Variants in MYRIP observed in about 807,000 individuals in gnomAD.
The protein encoded by MYRIP is myosin VIIA and Rab interacting protein, also known as rab effector MyRIP.
In MYRIP, 49 loss-of-function variants were observed where a neutral mutation model predicts 98.0. The observed-to-expected ratio is 0.50, with a 90% CI of 0.40 to 0.63. The LOEUF (loss-of-function observed/expected upper bound fraction) is 0.63, where lower values mean the gene tolerates loss of function less well. MYRIP is among the 30% of genes least tolerant of loss of function. The pLI, the probability that MYRIP is intolerant of heterozygous loss-of-function variation, is 0.00. For missense variants in MYRIP, 1,004 were observed against 1,058.2 expected, an observed-to-expected ratio of 0.95 and a Z score of 0.71; for synonymous variants, 404 against 409.5, an observed-to-expected ratio of 0.99 and a Z score of 0.16.
intron 1 of MYRIP, among the ~76,000 whole-genome samples, chr3:39,885,235 T>A (rs1312918184): frequency 3.3e-5 from 5 of 152,040 alleles, no homozygotes; most frequent in Admixed American, 3.3e-4. Context: ...TTTTGCTGTT[T>A]TTAAAAAAAC....
At chr3:39,938,801 G>A (rs1354700833) in intron 2 of MYRIP, among the ~76,000 whole-genome samples, 8 of 152,120 alleles carry the variant, frequency 5.3e-5, no homozygotes, top group African/African-American at 1.7e-4. Flanking sequence ...CACCAAGCCC[G>A]GCCCTTCTAT....
chr3:40,250,618 CTCTTG>C, intron 15 of MYRIP, 119 bp downstream of exon 15: 1 of 1,191,858 alleles, frequency 8.4e-7, no homozygotes, highest in Admixed American at 2.1e-5. Context: ...CACAGAATTG[CTCTTG>C]TCTATCTTGA....
At chr3:40,258,017 A>G in intron 16 of MYRIP, 117 bp from the exon 17 acceptor site, 3 of 1,104,818 alleles carry the variant, frequency 2.7e-6, no homozygotes, top group Non-Finnish European at 4.1e-6. Context: ...GAAACATCTA[A>G]CTGGTCAAAA....
chr3:39,905,023 C>T (rs1446374495), intron 2 of MYRIP, among the ~76,000 whole-genome samples: 1 of 152,114 alleles, frequency 6.6e-6, no homozygotes, highest in East Asian at 1.9e-4. Context: ...CTCCAAGACA[C>T]ACAACAGGAT....
At chr3:39,967,439 A>G (rs1009276176) in intron 2 of MYRIP, among the ~76,000 whole-genome samples, 2 of 152,142 alleles carry the variant, frequency 1.3e-5, no homozygotes, top group Admixed American at 6.5e-5. Flanking sequence ...AGGGCTGTAT[A>G]TTATTTCATG....
chr3:40,003,770 G>C (rs1369278108), intron 2 of MYRIP, among the ~76,000 whole-genome samples: 1 of 152,068 alleles, frequency 6.6e-6, no homozygotes, highest in Non-Finnish European at 1.5e-5. Context: ...TTGTATTCTT[G>C]CTTTTGTTTC....
chr3:39,984,725 C>A lies in MYRIP; in HGVS notation c.111-59325C>A, dbSNP rs558909037. ...TCTTTATAGCAGCATGATTTATAGT[C>A]CTTTGGGTATATACCCAGTAATGGG... On this transcript the variant is annotated intron_variant, in intron 2 of 16. Coordinates refer to ENST00000302541, the MANE Select transcript of MYRIP (RefSeq NM_015460.4). 8.5e-3 allele frequency among the ~76,000 whole-genome samples: 1,287 copies of A among 151,874 alleles called. 15 individuals carry two copies. Among genetic ancestry groups the A allele is most frequent in the African/African-American group, 0.03 (1,231 of 41,286 alleles).
At chr3:40,202,351 G>C (rs934264600) in intron 10 of MYRIP, among the ~76,000 whole-genome samples, 1 of 151,984 alleles carries the variant, frequency 6.6e-6, no homozygotes, top group Non-Finnish European at 1.5e-5. Flanking sequence ...TCTCAGACTG[G>C]GGTTGCTTTT....
chr3:40,181,876 C>T (rs1950889212), intron 8 of MYRIP, among the ~76,000 whole-genome samples: 1 of 152,150 alleles, frequency 6.6e-6, no homozygotes, highest in African/African-American at 2.4e-5. Context: ...TTGAGGAGAA[C>T]ATGCTTTCCA....
chr3:40,112,721 A>G (rs934194887), intron 3 of MYRIP, among the ~76,000 whole-genome samples: 3 of 152,138 alleles, frequency 2.0e-5, no homozygotes, highest in Non-Finnish European at 4.4e-5. Flanking sequence ...AGGATTTTTC[A>G]TCCAGTAGAG....
intron 8 of MYRIP, among the ~76,000 whole-genome samples, chr3:40,175,247 C>A (rs1385802476): frequency 2.6e-5 from 4 of 152,148 alleles, no homozygotes; most frequent in Admixed American, 2.6e-4. Flanking sequence ...TTTAGAAAGG[C>A]CTATACTAAG....
At chr3:39,889,259 G>A (rs1943410888) in intron 1 of MYRIP, among the ~76,000 whole-genome samples, 1 of 152,174 alleles carries the variant, frequency 6.6e-6, no homozygotes, top group Non-Finnish European at 1.5e-5. Context: ...ATTCACAATA[G>A]CAAAGACTTG....
intron 3 of MYRIP, among the ~76,000 whole-genome samples, chr3:40,115,852 T>A (rs1303213678): frequency 1.3e-5 from 2 of 152,020 alleles, no homozygotes; most frequent in African/African-American, 2.4e-5. Flanking sequence ...GATTTTATTA[T>A]GGAGTATCAG....
intron 2 of MYRIP, among the ~76,000 whole-genome samples, chr3:39,919,696 GTGTGT>G: frequency 1.5e-5 from 1 of 67,286 alleles, no homozygotes; most frequent in Non-Finnish European, 3.1e-5. Flanking sequence ...TATGTGTGGT[GTGTGT>G]GTGTGTGTGT....
At chr3:40,150,664 C>A (rs562737000) in intron 3 of MYRIP, among the ~76,000 whole-genome samples, 1 of 152,304 alleles carries the variant, frequency 6.6e-6, no homozygotes, top group Non-Finnish European at 1.5e-5. Flanking sequence ...CTCCTGGTCG[C>A]ATCTAAGTTC....
At chr3:40,252,474 A>G (rs1314975340) in intron 16 of MYRIP, among the ~76,000 whole-genome samples, 2 of 152,366 alleles carry the variant, frequency 1.3e-5, no homozygotes, top group Non-Finnish European at 1.5e-5. Flanking sequence ...ACAAAAGTAT[A>G]GGCGATAGAA....
chr3:39,995,713 C>T (rs573602902), intron 2 of MYRIP, among the ~76,000 whole-genome samples: 17 of 152,128 alleles, frequency 1.1e-4, no homozygotes, highest in Non-Finnish European at 2.2e-4. Flanking sequence ...TCGAGAAGAG[C>T]AACTCCAAGA....
chr3:39,944,973 A>C (rs1047538931), intron 2 of MYRIP, among the ~76,000 whole-genome samples: 2 of 151,924 alleles, frequency 1.3e-5, no homozygotes, highest in African/African-American at 4.8e-5. Flanking sequence ...CTTTTATGGG[A>C]TAGTATGTTG....
chr3:39,940,214 G>T (rs1054758090), intron 2 of MYRIP, among the ~76,000 whole-genome samples: 3 of 151,970 alleles, frequency 2.0e-5, no homozygotes, highest in African/African-American at 7.2e-5. Flanking sequence ...CATGCATTTT[G>T]AATCATTTTC....
Sources: gnomAD v4.1 joint callset for allele counts (sites outside exome capture counted in the v4.1 genomes callset) on GRCh38, gnomAD v4.1.1 for gene constraint, MANE v1.5 for transcripts, NCBI Gene and HGNC (gene_info 2026-07-23, HGNC 2026-07-21) for gene names.